Variants in RNF217 observed in about 807,000 individuals in gnomAD.
RNF217 encodes E3 ubiquitin-protein ligase RNF217.
A neutral mutation model predicts 57.8 loss-of-function variants in RNF217; 31 were observed. That is an observed-to-expected ratio of 0.54 (90% CI 0.40 to 0.72). RNF217 has a LOEUF of 0.72. Ranked by LOEUF, RNF217 falls within the 30% of genes least tolerant of loss-of-function variation. RNF217 has a pLI of 0.00. For missense variants in RNF217, 696 were observed against 708.3 expected (o/e 0.98, Z 0.20); for synonymous variants, 313 against 294.0 (o/e 1.06, Z -0.66).
At chr6:125,064,995 A>G (rs1787880948) in intron 3 of RNF217, among the ~76,000 whole-genome samples, 1 of 152,044 alleles carries the variant, frequency 6.6e-6, no homozygotes. Flanking sequence ...TTCATTGTAT[A>G]TTAAAACTAT....
chr6:125,016,301 C>T (rs1785599669), intron 1 of RNF217, among the ~76,000 whole-genome samples: 1 of 152,026 alleles, frequency 6.6e-6, no homozygotes, highest in Non-Finnish European at 1.5e-5. Context: ...TCGAATTTTA[C>T]CGTGAAGGAG....
In RNF217 at chr6:124,962,659, C is replaced by G; in HGVS notation, c.115C>G (p.Arg39Gly). ...CCCGAGGCCTCAGGGGGACAGCGCC[C>G]GGGCGCCCCCGCTGCGCGCCGCCTC... The part of the protein sequence containing the change: ...EPPRPQGDSA[R>G]APPLRAASAE... The change falls in exon 1 of 6, where the codon CGG becomes GGG. Residue 39 changes from arginine (R) to glycine (G), a missense_variant. Around this residue, in one of 2 missense-constraint regions of RNF217, gnomAD observed 465 missense variants for 386.8 expected, o/e 1.20. Transcript: ENST00000521654. The surrounding 1 kb of genome is among the most constrained non-coding windows in gnomAD (Gnocchi z 4.6). 7.5e-7 allele frequency: 1 copy of G among 1,334,592 alleles called. No homozygotes were observed. The highest frequency in any genetic ancestry group is 2.1e-5 in the South Asian group (1 of 47,768). The allele number at this position is 1,334,592 out of a possible 1,614,324, so 82.7% of individuals were successfully genotyped here. A position where few individuals can be genotyped will look rare whatever the true frequency, so the allele number is the denominator to read the frequency against.
Position 124,962,894 on chromosome 6 carries a change from G to A in RNF217, c.350G>A (p.Arg117Gln), listed in dbSNP as rs754718844. 1.9e-6 allele frequency: 3 copies of A among 1,598,098 alleles called. No homozygotes were observed. Among genetic ancestry groups the A allele is most frequent in the South Asian group, 2.2e-5 (2 of 91,076 alleles). Reference protein sequence around the residue: ...LEEEEEEAGDRKEGGDEQQEA... With the variant: ...LEEEEEEAGDQKEGGDEQQEA... ...GAGGAAGAGGAGGAAGCTGGGGATC[G>A]AAAAGAGGGAGGGGATGAACAGCAG... The change falls in exon 1 of 6, where the codon CGA (arginine) becomes CAA (glutamine). Residue 117 changes from arginine to glutamine, a missense_variant. Coordinates refer to ENST00000521654, the MANE Select transcript of RNF217 (RefSeq NM_001286398.3). The surrounding 1 kb of genome is among the most constrained non-coding windows in gnomAD (Gnocchi z 4.6).
chr6:125,071,236 G>A (rs571403289), intron 3 of RNF217, among the ~76,000 whole-genome samples: 22 of 152,216 alleles, frequency 1.4e-4, no homozygotes, highest in Middle Eastern at 3.4e-3. Context: ...AGTAACATGC[G>A]TTTGGTAGAA....
rs186714615 is a variant in RNF217, at chr6:125,013,188, G to T, written c.883-32023G>T. On this transcript the variant is annotated intron_variant, in intron 1 of 5. Transcript: ENST00000521654. Reference sequence around the variant, plus strand: ...TAGCAGTTAACCAAAATGAGTCCCTGTTTTTTGGAGATTATAATTTAGTGA... The same window carrying T: ...TAGCAGTTAACCAAAATGAGTCCCTTTTTTTTGGAGATTATAATTTAGTGA... Among the ~76,000 whole-genome samples, 404 of 152,018 alleles carry T rather than the reference G, an allele frequency of 2.7e-3. 8 individuals are homozygous for T. Among genetic ancestry groups the T allele is most frequent in the East Asian group, 8.1e-3 (42 of 5,178 alleles).
chr6:124,964,553 T>A (rs1473215250), intron 1 of RNF217, among the ~76,000 whole-genome samples: 1 of 152,160 alleles, frequency 6.6e-6, no homozygotes, highest in Non-Finnish European at 1.5e-5. Flanking sequence ...TTCCTCTATG[T>A]TTTTTGGCTA....
rs958173239 is a variant in RNF217, at chr6:125,088,067, C to G, written c.*5130C>G. 1 of 133,420 alleles carries G rather than the reference C, an allele frequency of 7.5e-6. No individual in the cohort carries two copies. Among genetic ancestry groups the G allele is most frequent in the Non-Finnish European group, 1.5e-5 (1 of 65,432 alleles). The allele number at this position is 133,420 out of a possible 1,614,324, so 8.3% of individuals were successfully genotyped here. On this transcript the variant is annotated 3_prime_UTR_variant, in exon 6 of 6. Transcript: ENST00000521654. ...AGAGGTTCTCTCAATGTTGCCCAGGCTGGTCTCAAACTCTTGGGCTCAAGC... is the reference window on the plus strand; with the variant it reads ...AGAGGTTCTCTCAATGTTGCCCAGGGTGGTCTCAAACTCTTGGGCTCAAGC...
At chr6:125,020,637 G>A (rs564877348) in intron 1 of RNF217, among the ~76,000 whole-genome samples, 39 of 152,064 alleles carry the variant, frequency 2.6e-4, no homozygotes, top group South Asian at 6.2e-4. Flanking sequence ...CATCTGTTCC[G>A]GGTAGGATTC....
intron 2 of RNF217, among the ~76,000 whole-genome samples, chr6:125,052,493 A>G (rs1039671746): frequency 6.6e-6 from 1 of 151,986 alleles, no homozygotes; most frequent in South Asian, 2.1e-4. Flanking sequence ...CCTCATGAAG[A>G]CTGTATGTTA....
In RNF217 at chr6:125,010,117, AT is replaced by A. The variant is rs1439488438; in HGVS notation, c.883-35091del. 5.9e-5 allele frequency among the ~76,000 whole-genome samples: 9 copies of A among 151,494 alleles called. No individual in the cohort carries two copies. The East Asian group carries it at 1.8e-3, about 30-fold the overall frequency. On this transcript the variant is annotated intron_variant, in intron 1 of 5. Transcript: ENST00000521654. ...TCAGGGTGTACTGCCTGTTCTCTGC[AT>A]TTGATCCATTTCATGTAACTGAAAT...
At chr6:125,079,371 T>C (rs1788490798) in intron 4 of RNF217, among the ~76,000 whole-genome samples, 1 of 151,894 alleles carries the variant, frequency 6.6e-6, no homozygotes, top group South Asian at 2.1e-4. Flanking sequence ...CTTCAATTGA[T>C]TTCTAGATGG....
At chr6:124,991,062 G>A (rs1304581161) in intron 1 of RNF217, among the ~76,000 whole-genome samples, 2 of 152,136 alleles carry the variant, frequency 1.3e-5, no homozygotes, top group Non-Finnish European at 2.9e-5. Flanking sequence ...AAGCCAGAGA[G>A]ATCATTTAAA....
intron 1 of RNF217, chr6:125,009,206 G>A: frequency 1.3e-6 from 2 of 1,595,168 alleles, no homozygotes; most frequent in Non-Finnish European, 1.7e-6. Context: ...AAGATAAAGA[G>A]TAGGAGAATC....
intron 1 of RNF217, among the ~76,000 whole-genome samples, chr6:125,031,661 C>A (rs538114895): frequency 6.6e-6 from 1 of 152,268 alleles, no homozygotes; most frequent in South Asian, 2.1e-4. Context: ...CAGCCTGGAC[C>A]TTCTTGTTCA....
chr6:125,031,940 T>C (rs544929951), intron 1 of RNF217, among the ~76,000 whole-genome samples: 1 of 152,258 alleles, frequency 6.6e-6, no homozygotes, highest in East Asian at 1.9e-4. Flanking sequence ...GGACTTACAG[T>C]TCCGCATGTC....
chr6:125,024,681 CT>C (rs1288560974), intron 1 of RNF217, among the ~76,000 whole-genome samples: 1 of 146,812 alleles, frequency 6.8e-6, no homozygotes, highest in East Asian at 2.0e-4. Flanking sequence ...GATCATGCCA[CT>C]GCACTCCAGC....
At chr6:124,979,104 G>A (rs1255533358) in intron 1 of RNF217, among the ~76,000 whole-genome samples, 1 of 152,200 alleles carries the variant, frequency 6.6e-6, no homozygotes, top group Admixed American at 6.5e-5. Flanking sequence ...TCTATCCAGA[G>A]CTGGCAGTTT....
chr6:124,962,813 T>C lies in RNF217; in HGVS notation c.269T>C (p.Leu90Pro). ...KSRAPAQPAG[L>P]ALTGPLNPQT... ...CGAGCACCGGCGCAGCCTGCGGGAC[T>C]GGCACTCACCGGGCCTCTCAATCCC... Residue 90 changes from leucine (L) to proline (P), a missense_variant, in exon 1 of 6, where the codon CTG (leucine) becomes CCG (proline). By Grantham distance (98) the Leu-to-Pro change is moderately conservative. Transcript: ENST00000521654. This position sits in a 1 kb window ranked among gnomAD's most constrained non-coding sequence, Gnocchi z 4.6. 6.3e-7 allele frequency: 1 copy of C among 1,597,672 alleles called. No homozygotes were observed. Among genetic ancestry groups the C allele is most frequent in the South Asian group, 1.1e-5 (1 of 91,058 alleles).
chr6:125,048,049 T>C, intron 2 of RNF217: 3 of 403,656 alleles, frequency 7.4e-6, no homozygotes, highest in Non-Finnish European at 1.3e-5. Flanking sequence ...TTTTTACTTA[T>C]TTTAGTGTAA....
Sources: gnomAD v4.1 joint callset for allele counts (sites outside exome capture counted in the v4.1 genomes callset) on GRCh38, gnomAD v4.1.1 for gene constraint, gnomAD v4.1.1 regional missense constraint, Gnocchi (gnomAD v3.1) non-coding constraint, MANE v1.5 for transcripts, NCBI Gene and HGNC (gene_info 2026-07-23, HGNC 2026-07-21) for gene names.